The following SEC14L4 variants were observed in gnomAD, a reference collection of about 807,000 sequenced individuals.
The protein encoded by SEC14L4 is SEC14 like lipid binding 4, also known as SEC14-like protein 4.
SEC14L4 carries 42 observed loss-of-function variants against 55.1 expected under a neutral mutation model. The observed-to-expected ratio is 0.76, with a 90% CI of 0.60 to 0.99. The LOEUF is 0.99. Among genes scored for constraint, SEC14L4 ranks in the 50% least tolerant of loss-of-function variants. The pLI is 0.00. For missense variants in SEC14L4, 445 were observed against 512.1 expected, an observed-to-expected ratio of 0.87 and a Z score of 1.27; for synonymous variants, 206 against 206.8, an observed-to-expected ratio of 1.00 and a Z score of 0.03.
chr22:30,496,479 C>T (rs1053779642), intron 2 of SEC14L4, among the ~76,000 whole-genome samples: 1 of 152,012 alleles, frequency 6.6e-6, no homozygotes, highest in Admixed American at 6.6e-5. Flanking sequence ...ACTGGAGAGC[C>T]CTTGATTTCA....
At chr22:30,490,785 C>A (rs1333483700) in intron 11 of SEC14L4, among the ~76,000 whole-genome samples, 4 of 152,140 alleles carry the variant, frequency 2.6e-5, no homozygotes, top group African/African-American at 9.7e-5. Flanking sequence ...GATCTTTCAG[C>A]GGTCACAGAG....
intron 5 of SEC14L4, 126 bp downstream of exon 5, chr22:30,495,127 TG>T: frequency 2.8e-6 from 2 of 715,254 alleles, no homozygotes; most frequent in Non-Finnish European, 4.2e-6. Flanking sequence ...TGGGTAAGGG[TG>T]GGAGAAGCCC....
At chr22:30,494,299 A>G (rs1936067095) in intron 6 of SEC14L4, 89 bp from the exon 7 acceptor site, 9 of 988,974 alleles carry the variant, frequency 9.1e-6, no homozygotes, top group Non-Finnish European at 1.1e-5. Flanking sequence ...CTGAGACAAG[A>G]GGCCCATCCC....
At position 30,497,133 on chromosome 22, in the gene SEC14L4, G is replaced by A. The variant is rs141786794; in HGVS notation, c.131-1162C>T. On this transcript the variant is annotated intron_variant, in intron 2 of 11. Coordinates refer to ENST00000255858, the MANE Select transcript of SEC14L4 (RefSeq NM_174977.4). ...GCGGGCAGATCACTTGAGGTCAGGA[G>A]TTCAAGACCAGCCTGGGCAATATGG... Among the ~76,000 whole-genome samples, 937 of 152,264 alleles carry A rather than the reference G, an allele frequency of 6.2e-3. 12 individuals carry two copies. Among genetic ancestry groups the A allele is most frequent in the African/African-American group, 0.021 (887 of 41,524 alleles).
rs1235590525 is a variant in SEC14L4 at position 30,494,255 on chromosome 22, T to A, written c.520-45A>T. 3 of 1,502,052 alleles carry A rather than the reference T, an allele frequency of 2.0e-6. No individual in the cohort carries two copies. In the African/African-American group the frequency reaches 4.1e-5, roughly 21 times the overall value. The allele number at this position is 1,502,052 out of a possible 1,614,324, so 93.0% of individuals were successfully genotyped here. A position where few individuals can be genotyped will look rare whatever the true frequency, so the allele number is the denominator to read the frequency against. ...CTGGTTGGGGCTCTGTTCCATCACCTCCCGCCCATGGGTTTCTGTGGCCTC... is the reference window on the plus strand; with the variant it reads ...CTGGTTGGGGCTCTGTTCCATCACCACCCGCCCATGGGTTTCTGTGGCCTC... On this transcript the variant is annotated intron_variant, in intron 6 of 11. Transcript: ENST00000255858.
At chr22:30,495,513 G>T in intron 4 of SEC14L4, 70 bp downstream of exon 4, 1 of 1,609,660 alleles carries the variant, frequency 6.2e-7, no homozygotes, top group Non-Finnish European at 8.5e-7. Context: ...CAGGTGGCTG[G>T]ACGTGGTAGG....
intron 1 of SEC14L4, among the ~76,000 whole-genome samples, chr22:30,504,877 G>A (rs1936442240): frequency 6.6e-6 from 1 of 152,168 alleles, no homozygotes; most frequent in South Asian, 2.1e-4. Context: ...AGCACTTTGG[G>A]AGGCCAAGGC....
chr22:30,504,505 A>T (rs952097968), intron 1 of SEC14L4, among the ~76,000 whole-genome samples: 1 of 152,184 alleles, frequency 6.6e-6, no homozygotes, highest in Non-Finnish European at 1.5e-5. Context: ...CTTATCTCTG[A>T]AATGGGGATA....
intron 3 of SEC14L4, 37 bp downstream of exon 3, chr22:30,495,891 C>A (rs762107714): frequency 6.2e-7 from 1 of 1,607,336 alleles, no homozygotes; most frequent in South Asian, 1.1e-5. Flanking sequence ...GGTCACAGTG[C>A]ATGGAAGGCA....
Position 30,505,668 on chromosome 22 carries a change from G to T in SEC14L4, c.-57C>A. 6.7e-7 allele frequency: 1 copy of T among 1,481,780 alleles called. No homozygotes were observed. The highest frequency in any genetic ancestry group is 2.1e-5 in the Admixed American group (1 of 47,768). 91.8% of individuals were successfully genotyped at this position (1,481,780 alleles called of 1,614,324 possible). A position where few individuals can be genotyped will look rare whatever the true frequency, so the allele number is the denominator to read the frequency against. On this transcript the variant is annotated 5_prime_UTR_variant, in exon 1 of 12. Coordinates refer to ENST00000255858, the MANE Select transcript of SEC14L4 (RefSeq NM_174977.4). Reference sequence around the variant, plus strand: ...CAGGTCCGCCCGCCCGCCGCCGCCTGGCCTTGTATCCGCTGCCGCCTGGTT... The same window carrying T: ...CAGGTCCGCCCGCCCGCCGCCGCCTTGCCTTGTATCCGCTGCCGCCTGGTT...
chr22:30,497,759 C>G (rs1936196369), intron 2 of SEC14L4, among the ~76,000 whole-genome samples: 1 of 152,248 alleles, frequency 6.6e-6, no homozygotes, highest in Non-Finnish European at 1.5e-5. Flanking sequence ...ACCAAGTTCA[C>G]CTATGCGATC....
At chr22:30,499,001 C>T (rs535605046) in intron 2 of SEC14L4, among the ~76,000 whole-genome samples, 1 of 151,938 alleles carries the variant, frequency 6.6e-6, no homozygotes, top group East Asian at 1.9e-4. Context: ...AGTGCAGTGG[C>T]GCGATCTCGG....
chr22:30,501,555 G>A (rs1438861599), intron 2 of SEC14L4, among the ~76,000 whole-genome samples: 1 of 152,264 alleles, frequency 6.6e-6, no homozygotes, highest in Middle Eastern at 3.4e-3. Context: ...AGCCAAGGGG[G>A]CTTAAGGAGG....
chr22:30,492,764 C>T (rs898048427), intron 7 of SEC14L4: 21 of 546,932 alleles, frequency 3.8e-5, no homozygotes, highest in Middle Eastern at 4.6e-4. Context: ...TGTATAACAC[C>T]TGGCACAGTT....
Position 30,489,731 on chromosome 22 carries a change from G to T in SEC14L4, c.*376C>A, listed in dbSNP as rs868118128. 7 of 827,052 alleles carry T rather than the reference G, an allele frequency of 8.5e-6. No individual in the cohort carries two copies. Among genetic ancestry groups the T allele is most frequent in the Non-Finnish European group, 1.4e-5 (7 of 497,478 alleles). The allele number at this position is 827,052 out of a possible 1,614,324, so 51.2% of individuals were successfully genotyped here. ...GATGTCCACAGGACCTAGGAACCAC[G>T]CACACCCCCTGAAGCTGGAACACCA... On this transcript the variant is annotated 3_prime_UTR_variant, in exon 12 of 12. Transcript: ENST00000255858.
rs1935888524 is a variant in SEC14L4 at position 30,489,694 on chromosome 22, G to C, written c.*413C>G. The C allele has an allele frequency of 4.5e-6, 3 of 668,900 alleles. No individual in the cohort carries two copies. The highest frequency in any genetic ancestry group is 5.3e-6 in the Non-Finnish European group (2 of 374,986). The allele number at this position is 668,900 out of a possible 1,614,324, so 41.4% of individuals were successfully genotyped here. A position where few individuals can be genotyped will look rare whatever the true frequency, so the allele number is the denominator to read the frequency against. On this transcript the variant is annotated 3_prime_UTR_variant, in exon 12 of 12. Coordinates refer to ENST00000255858, the MANE Select transcript of SEC14L4 (RefSeq NM_174977.4). ...AGAACAGGGCTTCTCTGCTCTTCAG[G>C]CCTGAAGCTGTGATGTCCACAGGAC...
chr22:30,505,642 G>T lies in SEC14L4; in HGVS notation c.-31C>A. On this transcript the variant is annotated 5_prime_UTR_variant, in exon 1 of 12. Transcript: ENST00000255858. ...CCGCGGGCGCAGAAAGGCTCAGGGC[G>T]CAGGTCCGCCCGCCCGCCGCCGCCT... The T allele has an allele frequency of 1.3e-6, 2 of 1,529,240 alleles. No homozygotes were observed. The highest frequency in any genetic ancestry group is 2.4e-5 in the East Asian group (1 of 40,876). The allele number at this position is 1,529,240 out of a possible 1,614,324, so 94.7% of individuals were successfully genotyped here. A position where few individuals can be genotyped will look rare whatever the true frequency, so the allele number is the denominator to read the frequency against.
rs1261727527 is a variant in SEC14L4 at position 30,494,212 on chromosome 22, T to G, written c.520-2A>C. 2 of 1,612,892 alleles carry G rather than the reference T, an allele frequency of 1.2e-6. No individual in the cohort carries two copies. Among genetic ancestry groups the G allele is most frequent in the Admixed American group, 3.3e-5 (2 of 60,022 alleles). ...ATTTGCTTCCAGGATGCTAAAAAAC[T>G]GTGGAGTCAAGATGAGTCTGGTTGG... On this transcript the variant is annotated splice_acceptor_variant, in intron 6 of 11. Coordinates refer to ENST00000255858, the MANE Select transcript of SEC14L4 (RefSeq NM_174977.4). LOFTEE classifies it high-confidence loss of function.
intron 2 of SEC14L4, among the ~76,000 whole-genome samples, chr22:30,501,932 T>C (rs1439905840): frequency 6.7e-6 from 1 of 148,600 alleles, no homozygotes; most frequent in Non-Finnish European, 1.5e-5. Context: ...AGTGGCATGA[T>C]CTCCGCTCAC....
Sources: gnomAD v4.1 joint callset for allele counts (sites outside exome capture counted in the v4.1 genomes callset) on GRCh38, gnomAD v4.1.1 for gene constraint, MANE v1.5 for transcripts, NCBI Gene and HGNC (gene_info 2026-07-23, HGNC 2026-07-21) for gene names.